Variants in ZNF774 observed in about 807,000 individuals in gnomAD.
The protein encoded by ZNF774 is zinc finger protein 774.
In ZNF774, 14 loss-of-function variants were observed where a neutral mutation model predicts 11.1. That is an observed-to-expected ratio of 1.26 (90% CI 0.83 to 1.97). ZNF774 has a LOEUF of 1.97. ZNF774 is among the 30% of genes most tolerant of loss of function. ZNF774 has a pLI of 0.00. For missense variants in ZNF774, 599 were observed against 587.0 expected (o/e 1.02, Z -0.21); for synonymous variants, 195 against 212.6 (o/e 0.92, Z 0.72).
rs1328889311 is a variant in ZNF774 at position 90,356,035 on chromosome 15, AAAAAATAAAT to A, written c.104+1277_104+1286del. ...AGAGCAAGACTCCATCTCAAAAAAA[AAAAAATAAAT>A]AAAAAAAACCAAAAACACCTCCAAT... On this transcript the variant is annotated intron_variant, in intron 2 of 3. Coordinates refer to ENST00000354377, the MANE Select transcript of ZNF774 (RefSeq NM_001004309.3). Among the ~76,000 whole-genome samples, 22 of 138,100 alleles carry A rather than the reference AAAAAATAAAT, an allele frequency of 1.6e-4. 2 individuals are homozygous for A. The highest frequency in any genetic ancestry group is 6.7e-4 in the East Asian group (3 of 4,468). 90.6% of individuals were successfully genotyped at this position (138,100 alleles called of 152,430 possible). A position where few individuals can be genotyped will look rare whatever the true frequency, so the allele number is the denominator to read the frequency against.
rs2151684040 is a variant in ZNF774, at chr15:90,362,690, ATCT to A, written c.*1411_*1413del. 2.9e-6 allele frequency: 3 copies of A among 1,039,392 alleles called. No individual in the cohort carries two copies. Among genetic ancestry groups the A allele is most frequent in the Non-Finnish European group, 4.3e-6 (3 of 697,300 alleles). 64.4% of individuals were successfully genotyped at this position (1,039,392 alleles called of 1,614,324 possible). On this transcript the variant is annotated 3_prime_UTR_variant, in exon 4 of 4. Coordinates refer to ENST00000354377, the MANE Select transcript of ZNF774 (RefSeq NM_001004309.3). ...TGACGCTTAATTTGGCCAGACTTTC[ATCT>A]TCTCCCAGCCTCAAGTTTTACCTAC...
chr15:90,355,611 T>C (rs1161413566), intron 2 of ZNF774, among the ~76,000 whole-genome samples: 1 of 150,062 alleles, frequency 6.7e-6, no homozygotes, highest in Non-Finnish European at 1.5e-5. Context: ...TAATCCCAGC[T>C]ACTTTGGAGG....
At chr15:90,354,578 G>T in intron 1 of ZNF774, 64 bp from the exon 2 acceptor site, 1 of 1,132,028 alleles carries the variant, frequency 8.8e-7, no homozygotes, top group Non-Finnish European at 1.3e-6. Flanking sequence ...CCATTTTTTG[G>T]CTTTCAGACA....
At position 90,360,424 on chromosome 15, in the gene ZNF774, G is replaced by A. The variant is rs201354012; in HGVS notation, c.593G>A (p.Arg198His). Residue 198 changes from arginine (R) to histidine (H), a missense_variant, in exon 4 of 4, where the codon CGC (arginine) becomes CAC (histidine). Arg to His is a conservative substitution (Grantham distance 29). Coordinates refer to ENST00000354377, the MANE Select transcript of ZNF774 (RefSeq NM_001004309.3). ...FKQSSDLVTH[R>H]RTHTGEKPYQ... ...CAGAGCTCAGACCTTGTCACCCATC[G>A]CAGAACACACACAGGAGAGAAGCCC... 421 of 1,613,246 alleles carry A rather than the reference G, an allele frequency of 2.6e-4. 5 individuals are homozygous for A. In the South Asian group the frequency reaches 4.2e-3, roughly 16 times the overall value.
At position 90,358,880 on chromosome 15, in the gene ZNF774, C is replaced by A; in HGVS notation, c.134C>A (p.Pro45Gln). The A allele has an allele frequency of 6.2e-7, 1 of 1,613,226 alleles. No individual in the cohort carries two copies. Among genetic ancestry groups the A allele is most frequent in the South Asian group, 1.1e-5 (1 of 91,064 alleles). The change falls in exon 3 of 4, where the codon CCG (proline) becomes CAG (glutamine). Residue 45 changes from proline to glutamine, a missense_variant. Pro to Gln is a moderately conservative substitution (Grantham distance 76). Coordinates refer to ENST00000354377, the MANE Select transcript of ZNF774 (RefSeq NM_001004309.3). ...GISRPSVISQ[P>Q]EQKEEPWVLP... ...TCCAGGCCTAGTGTAATCTCCCAGC[C>A]GGAGCAGAAAGAAGAGCCATGGGTC...
Position 90,354,465 on chromosome 15 carries a change from CG to C in ZNF774, c.-19-176del. ...AATGGGAAAGTTGGCCAGGAGAAGA[CG>C]TATGTAAAAACAGACTTAGAAAAGC... On this transcript the variant is annotated intron_variant, in intron 1 of 3. Transcript: ENST00000354377. 3 of 566,574 alleles carry C rather than the reference CG, an allele frequency of 5.3e-6. No homozygotes were observed. The South Asian group carries it at 7.6e-5, about 14-fold the overall frequency. 35.1% of individuals were successfully genotyped at this position (566,574 alleles called of 1,614,324 possible).
rs1433510909 is a variant in ZNF774, at chr15:90,360,783, C to T, written c.952C>T (p.Pro318Ser). Residue 318 changes from proline to serine, a missense_variant, in exon 4 of 4, where the codon CCC (proline) becomes TCC (serine). Pro to Ser is a moderately conservative substitution (Grantham distance 74). Transcript: ENST00000354377. Reference protein sequence around the residue: ...KHQRTHTGERPFKCPECGKGF... With the variant: ...KHQRTHTGERSFKCPECGKGF... ...CCAACGAACCCACACGGGAGAACGGCCCTTCAAATGCCCGGAGTGCGGGAA... is the reference window on the plus strand; with the variant it reads ...CCAACGAACCCACACGGGAGAACGGTCCTTCAAATGCCCGGAGTGCGGGAA... 3 of 1,614,060 alleles carry T rather than the reference C, an allele frequency of 1.9e-6. No individual in the cohort carries two copies. The highest frequency in any genetic ancestry group is 2.5e-6 in the Non-Finnish European group (3 of 1,180,044).
Position 90,361,304 on chromosome 15 carries a change from G to C in ZNF774, c.*21G>C. On this transcript the variant is annotated 3_prime_UTR_variant, in exon 4 of 4. Coordinates refer to ENST00000354377, the MANE Select transcript of ZNF774 (RefSeq NM_001004309.3). The stretch of plus-strand genomic sequence containing the variant: ...TTTAGGAAGTAGTCTTTGGTGTTCA[G>C]CTGCTCCCTTGCACATTTTCATTGC... 1 of 1,564,920 alleles carries C rather than the reference G, an allele frequency of 6.4e-7. No individual in the cohort carries two copies. Among genetic ancestry groups the C allele is most frequent in the African/African-American group, 1.4e-5 (1 of 73,488 alleles).
At chr15:90,354,804 G>GT (rs772412649) in intron 2 of ZNF774, 40 bp downstream of exon 2, 201 of 1,522,028 alleles carry the variant, frequency 1.3e-4, no homozygotes, top group East Asian at 4.2e-4. Context: ...TATTTATCTT[G>GT]TTTTTTTTGA....
At position 90,361,937 on chromosome 15, in the gene ZNF774, C is replaced by A. The variant is rs78698743; in HGVS notation, c.*654C>A. ...CATAGATGCTCAATAACTAAATGGTCCCATCATTATTAATGATTAATAGTT... is the reference window on the plus strand; with the variant it reads ...CATAGATGCTCAATAACTAAATGGTACCATCATTATTAATGATTAATAGTT... On this transcript the variant is annotated 3_prime_UTR_variant, in exon 4 of 4. Transcript: ENST00000354377. The A allele has an allele frequency of 0.011, 1,684 of 153,900 alleles. 39 individuals carry two copies. The highest frequency in any genetic ancestry group is 0.091 in the East Asian group (473 of 5,218). The allele number at this position is 153,900 out of a possible 1,614,324, so 9.5% of individuals were successfully genotyped here.
Position 90,361,540 on chromosome 15 carries a change from G to C in ZNF774, c.*257G>C, listed in dbSNP as rs144410681. 1 of 1,188,272 alleles carries C rather than the reference G, an allele frequency of 8.4e-7. No homozygotes were observed. Among genetic ancestry groups the C allele is most frequent in the South Asian group, 2.7e-5 (1 of 37,456 alleles). 73.6% of individuals were successfully genotyped at this position (1,188,272 alleles called of 1,614,324 possible). A position where few individuals can be genotyped will look rare whatever the true frequency, so the allele number is the denominator to read the frequency against. On this transcript the variant is annotated 3_prime_UTR_variant, in exon 4 of 4. Transcript: ENST00000354377. ...TTAATAGTTGATGCCCGCCAGGCGTGGTGGCTCACCCCTGTAATCCCAGCA... is the reference window on the plus strand; with the variant it reads ...TTAATAGTTGATGCCCGCCAGGCGTCGTGGCTCACCCCTGTAATCCCAGCA...
chr15:90,362,708 G>T lies in ZNF774; in HGVS notation c.*1425G>T. The T allele has an allele frequency of 1.2e-5, 9 of 747,818 alleles. No homozygotes were observed. Among genetic ancestry groups the T allele is most frequent in the Admixed American group, 2.1e-5 (1 of 46,762 alleles). The allele number at this position is 747,818 out of a possible 1,614,324, so 46.3% of individuals were successfully genotyped here. On this transcript the variant is annotated 3_prime_UTR_variant, in exon 4 of 4. Transcript: ENST00000354377. ...GACTTTCATCTTCTCCCAGCCTCAA[G>T]TTTTACCTACCTCACAAGGTTGTTG...
intron 2 of ZNF774, 53 bp downstream of exon 2, chr15:90,354,817 C>T (rs914681445): frequency 2.0e-5 from 29 of 1,421,822 alleles, no homozygotes; most frequent in Middle Eastern, 1.9e-4. Context: ...TTTTTTGAGA[C>T]GGGGTCTCGC....
At position 90,361,393 on chromosome 15, in the gene ZNF774, T is replaced by G; in HGVS notation, c.*110T>G. 2 of 1,498,554 alleles carry G rather than the reference T, an allele frequency of 1.3e-6. No homozygotes were observed. Among genetic ancestry groups the G allele is most frequent in the South Asian group, 1.4e-5 (1 of 72,398 alleles). 92.8% of individuals were successfully genotyped at this position (1,498,554 alleles called of 1,614,324 possible). A position where few individuals can be genotyped will look rare whatever the true frequency, so the allele number is the denominator to read the frequency against. ...GTCAGTGGCTCAATTTGGGCCCTGA[T>G]CTATTCTCCCTCTTTCTTGTCTATG... On this transcript the variant is annotated 3_prime_UTR_variant, in exon 4 of 4. Coordinates refer to ENST00000354377, the MANE Select transcript of ZNF774 (RefSeq NM_001004309.3).
Position 90,362,758 on chromosome 15 carries a change from C to A in ZNF774, c.*1475C>A. ...GTGAGGATCTAAAAATACACACACA[C>A]ACACACACACACACACACACACACA... On this transcript the variant is annotated 3_prime_UTR_variant, in exon 4 of 4. Transcript: ENST00000354377. 1 of 440,620 alleles carries A rather than the reference C, an allele frequency of 2.3e-6. No homozygotes were observed. Among genetic ancestry groups the A allele is most frequent in the Non-Finnish European group, 4.1e-6 (1 of 246,526 alleles). 27.3% of individuals were successfully genotyped at this position (440,620 alleles called of 1,614,324 possible). A position where few individuals can be genotyped will look rare whatever the true frequency, so the allele number is the denominator to read the frequency against.
rs185230732 is a variant in ZNF774, at chr15:90,361,422, T to C, written c.*139T>C. The C allele has an allele frequency of 1.6e-3, 2,405 of 1,476,464 alleles. 5 individuals are homozygous for C. The highest frequency in any genetic ancestry group is 1.8e-3 in the Non-Finnish European group (2,059 of 1,122,236). The allele number at this position is 1,476,464 out of a possible 1,614,324, so 91.5% of individuals were successfully genotyped here. Reference sequence around the variant, plus strand: ...TTCTCCCTCTTTCTTGTCTATGTTATAACAGAGAGGATAAACTTAAAGGGT... The same window carrying C: ...TTCTCCCTCTTTCTTGTCTATGTTACAACAGAGAGGATAAACTTAAAGGGT... On this transcript the variant is annotated 3_prime_UTR_variant, in exon 4 of 4. Coordinates refer to ENST00000354377, the MANE Select transcript of ZNF774 (RefSeq NM_001004309.3).
chr15:90,356,319 C>T (rs982269694), intron 2 of ZNF774, among the ~76,000 whole-genome samples: 3 of 151,718 alleles, frequency 2.0e-5, no homozygotes, highest in Non-Finnish European at 4.4e-5. Context: ...CCGCTCACTT[C>T]GGCCTCCCAA....
chr15:90,356,499 C>T (rs1449576238), intron 2 of ZNF774, among the ~76,000 whole-genome samples: 1 of 152,138 alleles, frequency 6.6e-6, no homozygotes, highest in Non-Finnish European at 1.5e-5. Flanking sequence ...GCCTGGCCTA[C>T]TTCATCTATT....
chr15:90,356,584 G>A (rs1964253079), intron 2 of ZNF774, among the ~76,000 whole-genome samples: 1 of 152,126 alleles, frequency 6.6e-6, no homozygotes, highest in Non-Finnish European at 1.5e-5. Context: ...TCCCACCAAT[G>A]AAGAGTTACT....
Sources: allele counts gnomAD v4.1 joint callset (sites outside exome capture counted in the v4.1 genomes callset), GRCh38; gene constraint gnomAD v4.1.1; transcripts MANE v1.5; gene names NCBI Gene and HGNC (gene_info 2026-07-23, HGNC 2026-07-21).